The following MARCHF8 variants were observed in gnomAD, a reference collection of about 807,000 sequenced individuals.
MARCHF8 encodes E3 ubiquitin-protein ligase MARCHF8.
Under a neutral mutation model 51.6 loss-of-function variants are expected in MARCHF8, and 40 were observed. The observed-to-expected ratio is 0.77, with a 90% CI of 0.60 to 1.01. MARCHF8 has a LOEUF of 1.01. MARCHF8 is among the 50% of genes least tolerant of loss of function. The pLI is 0.00. For missense variants in MARCHF8, 685 were observed against 708.6 expected, an observed-to-expected ratio of 0.97 and a Z score of 0.38; for synonymous variants, 263 against 280.3, an observed-to-expected ratio of 0.94 and a Z score of 0.62.
intron 5 of MARCHF8, among the ~76,000 whole-genome samples, 185 bp downstream of exon 5, chr10:45,462,966 C>T (rs901986203): frequency 5.3e-5 from 8 of 152,344 alleles, no homozygotes; most frequent in African/African-American, 1.9e-4. Context: ...TATCTTGGGA[C>T]TCACATCATA....
At chr10:45,498,024 A>C (rs1564486145) in intron 2 of MARCHF8, among the ~76,000 whole-genome samples, 1 of 152,182 alleles carries the variant, frequency 6.6e-6, no homozygotes, top group Non-Finnish European at 1.5e-5. Flanking sequence ...CTACTAAAAA[A>C]CTACAGGTAA....
chr10:45,586,524 T>G (rs1368712284), intron 1 of MARCHF8, among the ~76,000 whole-genome samples: 1 of 152,076 alleles, frequency 6.6e-6, no homozygotes, highest in East Asian at 1.9e-4. Context: ...GGTCATACAG[T>G]AAGTGCATGT....
chr10:45,547,887 G>A (rs2044147130), intron 1 of MARCHF8, among the ~76,000 whole-genome samples: 1 of 152,142 alleles, frequency 6.6e-6, no homozygotes, highest in Non-Finnish European at 1.5e-5. Flanking sequence ...TCAAAAGTGG[G>A]TTACTTTAAG....
upstream of MARCHF8, chr10:45,535,499 TAC>T (rs1013107186): frequency 2.0e-5 from 3 of 152,226 alleles, no homozygotes; most frequent in Non-Finnish European, 4.4e-5. Context: ...TCAAATTTTT[TAC>T]AGTTTTGAAG....
At chr10:45,508,405 T>G (rs1402907115) in intron 2 of MARCHF8, among the ~76,000 whole-genome samples, 4 of 151,862 alleles carry the variant, frequency 2.6e-5, no homozygotes, top group Non-Finnish European at 5.9e-5. Flanking sequence ...ATGGGAGGAA[T>G]TAGCAAATCA....
At chr10:45,523,075 TG>T (rs146817305) in intron 2 of MARCHF8, among the ~76,000 whole-genome samples, 16,341 of 152,234 alleles carry the variant, frequency 0.11, 1,174 homozygotes, top group Non-Finnish European at 0.15. Context: ...CAAAACAATA[TG>T]GAAAAAAATA....
intron 2 of MARCHF8, among the ~76,000 whole-genome samples, chr10:45,505,010 GTTAA>G (rs1460767915): frequency 1.3e-5 from 2 of 152,104 alleles, no homozygotes; most frequent in East Asian, 3.8e-4. Flanking sequence ...ATTTCGAGCT[GTTAA>G]TTATATATAC....
chr10:45,581,941 C>CA (rs78688601), intron 1 of MARCHF8, among the ~76,000 whole-genome samples: 4,741 of 92,146 alleles, frequency 0.051, 83 homozygotes, highest in African/African-American at 0.09. Context: ...GCACTTCAAC[C>CA]AAAAAAAAAA....
chr10:45,560,040 G>A (rs1029629983), intron 1 of MARCHF8, among the ~76,000 whole-genome samples: 36 of 152,260 alleles, frequency 2.4e-4, no homozygotes, highest in Middle Eastern at 3.4e-3. Context: ...TGGCTGGGAA[G>A]AGGCTAATTA....
In MARCHF8 at chr10:45,463,377, G is replaced by A; in HGVS notation, c.862C>T (p.His288Tyr). 1 of 1,550,750 alleles carries A rather than the reference G, an allele frequency of 6.4e-7. No homozygotes were observed. Among genetic ancestry groups the A allele is most frequent in the Non-Finnish European group, 8.7e-7 (1 of 1,147,024 alleles). The change falls in exon 5 of 8, where the codon CAC (histidine) becomes TAC (tyrosine). Residue 288 changes from histidine to tyrosine, a missense_variant. His to Tyr is a moderately conservative substitution (Grantham distance 83). Coordinates refer to ENST00000453424, the MANE Select transcript of MARCHF8 (RefSeq NM_001282866.2). ...HELESCAARL[H>Y]TAKSSSGLAG... ...AGCCCGCTGGAGGACTTGGCAGTGT[G>A]CAGGCGAGCAGCGCAGCTCTCCAGC...
chr10:45,542,705 G>A (rs1057188555), intron 1 of MARCHF8, among the ~76,000 whole-genome samples: 6 of 152,012 alleles, frequency 3.9e-5, no homozygotes, highest in South Asian at 2.1e-4. Flanking sequence ...TTTAGTACAC[G>A]TATTACTTTT....
At chr10:45,480,415 TC>T (rs529986660) in intron 3 of MARCHF8, among the ~76,000 whole-genome samples, 186 of 152,188 alleles carry the variant, frequency 1.2e-3, no homozygotes, top group African/African-American at 4.3e-3. Flanking sequence ...GGAAAATGTC[TC>T]AAGGGCATGT....
At chr10:45,476,944 A>G in intron 3 of MARCHF8, among the ~76,000 whole-genome samples, 1 of 152,236 alleles carries the variant, frequency 6.6e-6, no homozygotes, top group Admixed American at 6.5e-5. Context: ...ATCTAACAAA[A>G]TAATAGCTGC....
At position 45,463,609 on chromosome 10, in the gene MARCHF8, A is replaced by G; in HGVS notation, c.630T>C (p.Leu210=). 1 of 1,550,682 alleles carries G rather than the reference A, an allele frequency of 6.4e-7. No individual in the cohort carries two copies. Residue 210 remains leucine (L), a synonymous_variant, in exon 5 of 8, where the codon CTT becomes CTC. Coordinates refer to ENST00000453424, the MANE Select transcript of MARCHF8 (RefSeq NM_001282866.2). ...AAACACAAGAATGTTTGGAATTGCC[A>G]AGAGGTTTGTGGTTCAGGGTTCTTT... ...KEKRTLNHKP[L]GNSKHSCVSC...
At chr10:45,509,922 C>A (rs2133187662) in intron 2 of MARCHF8, among the ~76,000 whole-genome samples, 1 of 152,270 alleles carries the variant, frequency 6.6e-6, no homozygotes, top group East Asian at 1.9e-4. Context: ...GCAGAGCAAA[C>A]TTAAGAACTT....
intron 2 of MARCHF8, among the ~76,000 whole-genome samples, chr10:45,512,668 T>C (rs1423628537): frequency 3.1e-4 from 39 of 126,052 alleles, no homozygotes; most frequent in Middle Eastern, 0.011. Flanking sequence ...TGCCCGGCCG[T>C]CCCTACTGGG....
chr10:45,521,766 C>G (rs1388235268), intron 2 of MARCHF8, among the ~76,000 whole-genome samples: 2 of 152,154 alleles, frequency 1.3e-5, no homozygotes, highest in African/African-American at 2.4e-5. Context: ...TTTCCCAAAA[C>G]TTTTGATTTG....
At chr10:45,547,498 G>A (rs143393238) in intron 1 of MARCHF8, among the ~76,000 whole-genome samples, 48 of 152,214 alleles carry the variant, frequency 3.2e-4, no homozygotes, top group East Asian at 1.9e-4. Context: ...CTGACTAAGC[G>A]GGGATTCCAA....
chr10:45,517,822 C>A (rs2043644757), intron 2 of MARCHF8, among the ~76,000 whole-genome samples: 1 of 152,164 alleles, frequency 6.6e-6, no homozygotes, highest in Non-Finnish European at 1.5e-5. Flanking sequence ...TTCTCCATGT[C>A]CTCCTTAGCA....
Sources: allele counts gnomAD v4.1 joint callset (sites outside exome capture counted in the v4.1 genomes callset), GRCh38; gene constraint gnomAD v4.1.1; transcripts MANE v1.5; gene names NCBI Gene and HGNC (gene_info 2026-07-23, HGNC 2026-07-21).